The following LRP1B variants were observed in gnomAD, a reference collection of about 807,000 sequenced individuals.
LRP1B encodes the protein low-density lipoprotein receptor-related protein 1B.
LRP1B carries 217 observed loss-of-function variants against 556.6 expected under a neutral mutation model. The ratio of observed to expected loss-of-function variants is 0.39; its 90% CI spans 0.35 to 0.44. LRP1B has a LOEUF of 0.44. Among genes scored for constraint, LRP1B ranks in the 20% least tolerant of loss-of-function variants. LRP1B has a pLI of 1.00. For missense variants in LRP1B, 5,053 were observed against 5,620.8 expected (o/e 0.90, Z 3.23); for synonymous variants, 2,047 against 1,865.8 (o/e 1.10, Z -2.50).
intron 3 of LRP1B, among the ~76,000 whole-genome samples, chr2:141,453,875 T>A (rs577589097): frequency 2.7e-5 from 4 of 150,566 alleles, no homozygotes; most frequent in Non-Finnish European, 2.9e-5. Context: ...ATCCCAACAT[T>A]GCACTCAAGC....
At chr2:140,638,915 C>T (rs536156893) in intron 41 of LRP1B, among the ~76,000 whole-genome samples, 9 of 150,846 alleles carry the variant, frequency 6.0e-5, no homozygotes, top group African/African-American at 1.2e-4. Flanking sequence ...ATATATAGTT[C>T]GTATTTCATA....
chr2:140,547,692 G>GT (rs1434663870), intron 43 of LRP1B, among the ~76,000 whole-genome samples: 1 of 151,940 alleles, frequency 6.6e-6, no homozygotes, highest in Admixed American at 6.6e-5. Flanking sequence ...AATTATATGA[G>GT]TGGAGGCACT....
chr2:141,340,322 C>A lies in LRP1B; in HGVS notation c.344-85681G>T, dbSNP rs947351510. ...GCACTGTTTGCTGACTATATCAATTCTTTTTCAAATTGTTCAACACATTTC... is the reference window on the plus strand; with the variant it reads ...GCACTGTTTGCTGACTATATCAATTATTTTTCAAATTGTTCAACACATTTC... On this transcript the variant is annotated intron_variant, in intron 3 of 90. Transcript: ENST00000389484. Among the ~76,000 whole-genome samples the A allele has an allele frequency of 2.6e-5, 4 of 152,200 alleles. No homozygotes were observed. In the East Asian group the frequency reaches 7.7e-4, roughly 29 times the overall value.
intron 31 of LRP1B, among the ~76,000 whole-genome samples, chr2:140,832,489 T>C (rs1691750747): frequency 6.6e-6 from 1 of 152,180 alleles, no homozygotes; most frequent in African/African-American, 2.4e-5. Context: ...TTTACAATAA[T>C]CATAAGTGTC....
intron 4 of LRP1B, among the ~76,000 whole-genome samples, chr2:141,248,514 C>T (rs1214952067): frequency 6.6e-6 from 1 of 152,078 alleles, no homozygotes; most frequent in African/African-American, 2.4e-5. Context: ...CAGAAAGGGA[C>T]ATTTCAGTTC....
In LRP1B at chr2:140,727,814, T is replaced by C. The variant is rs116677484; in HGVS notation, c.5759-10998A>G. On this transcript the variant is annotated intron_variant, in intron 35 of 90. Transcript: ENST00000389484. ...TTCCTTCAAACATGTTGCAGATTAA[T>C]AAAGACCCAGATTCTTGATATTCCA... is the stretch of plus-strand genomic sequence containing the variant. Among the ~76,000 whole-genome samples the C allele has an allele frequency of 3.5e-3, 531 of 152,304 alleles. 1 individual carries two copies. Among genetic ancestry groups the C allele is most frequent in the African/African-American group, 0.012 (500 of 41,568 alleles).
intron 66 of LRP1B, among the ~76,000 whole-genome samples, chr2:140,412,426 A>T (rs1028802677): frequency 6.6e-6 from 1 of 152,112 alleles, no homozygotes; most frequent in Admixed American, 6.6e-5. Flanking sequence ...TATTGTGGAA[A>T]ATATGTATGC....
At chr2:140,913,944 A>G (rs1296255172) in intron 21 of LRP1B, among the ~76,000 whole-genome samples, 1 of 152,124 alleles carries the variant, frequency 6.6e-6, no homozygotes, top group African/African-American at 2.4e-5. Context: ...ACTGTTATCT[A>G]AAGGTATAAA....
chr2:141,968,898 G>A (rs1415691808), intron 1 of LRP1B, among the ~76,000 whole-genome samples: 1 of 151,522 alleles, frequency 6.6e-6, no homozygotes, highest in Non-Finnish European at 1.5e-5. Flanking sequence ...AGATTTCAAT[G>A]TTTCAAACAA....
intron 66 of LRP1B, among the ~76,000 whole-genome samples, chr2:140,417,290 G>C (rs1433148698): frequency 6.6e-6 from 1 of 152,186 alleles, no homozygotes; most frequent in Non-Finnish European, 1.5e-5. Context: ...AGTTAATCCT[G>C]CCTGCTACTA....
intron 2 of LRP1B, among the ~76,000 whole-genome samples, chr2:141,740,093 ATT>A (rs995403151): frequency 6.6e-6 from 1 of 152,166 alleles, no homozygotes; most frequent in Non-Finnish European, 1.5e-5. Flanking sequence ...CAAAACCATC[ATT>A]GTTTCATTAA....
intron 3 of LRP1B, among the ~76,000 whole-genome samples, chr2:141,450,424 T>C (rs1173366908): frequency 1.3e-5 from 2 of 152,142 alleles, no homozygotes; most frequent in Non-Finnish European, 2.9e-5. Flanking sequence ...GTTTGGTATA[T>C]GGAGTTGTGG....
chr2:140,579,216 G>T (rs1366495795), intron 43 of LRP1B, among the ~76,000 whole-genome samples: 1 of 151,982 alleles, frequency 6.6e-6, no homozygotes, highest in Non-Finnish European at 1.5e-5. Context: ...TGAGACACAG[G>T]AATATATATT....
intron 66 of LRP1B, among the ~76,000 whole-genome samples, chr2:140,414,335 T>G (rs1685088198): frequency 6.6e-6 from 1 of 152,180 alleles, no homozygotes; most frequent in Non-Finnish European, 1.5e-5. Flanking sequence ...TTCCTGTAAT[T>G]TCTACAACTA....
chr2:140,816,367 C>T (rs925655151), intron 31 of LRP1B, among the ~76,000 whole-genome samples: 6 of 152,114 alleles, frequency 3.9e-5, no homozygotes, highest in African/African-American at 1.2e-4. Flanking sequence ...CCACCTGCCT[C>T]GGCCTCCCAA....
chr2:140,762,847 A>G (rs886088489), intron 35 of LRP1B, among the ~76,000 whole-genome samples: 4 of 152,162 alleles, frequency 2.6e-5, no homozygotes, highest in African/African-American at 9.7e-5. Context: ...AATGCTATCA[A>G]AAAGACAAAT....
At chr2:140,919,434 T>C (rs1217880094) in intron 21 of LRP1B, among the ~76,000 whole-genome samples, 1 of 152,124 alleles carries the variant, frequency 6.6e-6, no homozygotes, top group African/African-American at 2.4e-5. Flanking sequence ...ATGACTTCAT[T>C]CAAGTAACTA....
intron 89 of LRP1B, among the ~76,000 whole-genome samples, chr2:140,236,967 AAATC>A (rs1285609710): frequency 2.0e-5 from 3 of 151,002 alleles, no homozygotes; most frequent in African/African-American, 4.8e-5. Flanking sequence ...ATTGCAGAAA[AAATC>A]AAAGTATTTA....
At chr2:141,703,774 C>CA (rs1692037916) in intron 2 of LRP1B, among the ~76,000 whole-genome samples, 1 of 151,852 alleles carries the variant, frequency 6.6e-6, no homozygotes, top group South Asian at 2.1e-4. Context: ...AACCCTGGTG[C>CA]AAAAACAGAA....
Sources: allele counts gnomAD v4.1 joint callset (sites outside exome capture counted in the v4.1 genomes callset), GRCh38; gene constraint gnomAD v4.1.1; transcripts MANE v1.5; gene names NCBI Gene and HGNC (gene_info 2026-07-23, HGNC 2026-07-21).